Variants in GATA4 observed in about 807,000 individuals in gnomAD.
GATA4 encodes the protein GATA binding protein 4.
GATA4 carries 7 observed loss-of-function variants against 37.9 expected under a neutral mutation model. The observed-to-expected ratio is 0.18, with a 90% confidence interval of 0.11 to 0.35. GATA4 has a LOEUF of 0.35. Ranked by LOEUF, GATA4 falls within the 10% of genes least tolerant of loss-of-function variation. The probability of loss-of-function intolerance (pLI) is 1.00; values close to 1 mark genes in which losing one functional copy is unlikely to be tolerated. For synonymous variants in GATA4, 372 were observed against 292.6 expected (o/e 1.27, Z -2.77); for missense variants, 647 against 653.0 (o/e 0.99, Z 0.10).
chr8:11,677,671 T>C (rs1276079453), intron 1 of GATA4, among the ~76,000 whole-genome samples: 3 of 152,184 alleles, frequency 2.0e-5, no homozygotes, highest in Admixed American at 6.5e-5. Flanking sequence ...CTTGGCTTCA[T>C]TAGTTAGTAG....
At chr8:11,751,361 A>C (rs112148609) in intron 4 of GATA4, among the ~76,000 whole-genome samples, 4 of 152,332 alleles carry the variant, frequency 2.6e-5, no homozygotes, top group African/African-American at 9.6e-5. Context: ...GGTTGCTTCC[A>C]CATATACAGA....
intron 2 of GATA4, among the ~76,000 whole-genome samples, chr8:11,719,008 G>A (rs368963642): frequency 2.0e-5 from 3 of 152,182 alleles, no homozygotes; most frequent in Admixed American, 2.0e-4. Context: ...CTTATCTAGA[G>A]GTTTTCCTAT....
At chr8:11,725,071 C>T (rs1179467333) in intron 2 of GATA4, among the ~76,000 whole-genome samples, 3 of 152,242 alleles carry the variant, frequency 2.0e-5, no homozygotes, top group Admixed American at 6.5e-5. Flanking sequence ...TCATTCTCTG[C>T]TGTCCTTCTG....
At chr8:11,726,887 A>C (rs574643365) in intron 2 of GATA4, among the ~76,000 whole-genome samples, 1 of 152,104 alleles carries the variant, frequency 6.6e-6, no homozygotes, top group Non-Finnish European at 1.5e-5. Flanking sequence ...ATGACTCACA[A>C]TCTTTCCCTG....
chr8:11,678,582 A>G (rs1798854958), intron 1 of GATA4, among the ~76,000 whole-genome samples: 1 of 152,206 alleles, frequency 6.6e-6, no homozygotes, highest in Non-Finnish European at 1.5e-5. Flanking sequence ...GTTAAGGGAA[A>G]GCCGTATTAT....
intron 2 of GATA4, among the ~76,000 whole-genome samples, chr8:11,720,527 T>A (rs915480195): frequency 6.6e-6 from 1 of 152,180 alleles, no homozygotes. Flanking sequence ...GGATTTGTTT[T>A]ACAGATTATT....
chr8:11,705,723 T>C (rs1799862923), intron 1 of GATA4, among the ~76,000 whole-genome samples: 1 of 152,206 alleles, frequency 6.6e-6, no homozygotes, highest in Non-Finnish European at 1.5e-5. Context: ...GAGTATTTTC[T>C]CCACCTTCTG....
chr8:11,707,957 A>C lies in GATA4; in HGVS notation c.-356A>C, dbSNP rs1335469806. On this transcript the variant is annotated 5_prime_UTR_variant, in exon 2 of 7. Coordinates refer to ENST00000532059, the MANE Select transcript of GATA4 (RefSeq NM_001308093.3). This position sits in a 1 kb window ranked among gnomAD's most constrained non-coding sequence, Gnocchi z 4.7. ...CTCGGTGTGACGAGTGGGGGACCCG[A>C]AGGCTCGTGCGCCACCTCCAGGCCT... 3.0e-5 allele frequency: 10 copies of C among 338,464 alleles called. No homozygotes were observed. Among genetic ancestry groups the C allele is most frequent in the Non-Finnish European group, 5.6e-5 (10 of 177,098 alleles). The allele number at this position is 338,464 out of a possible 1,614,324, so 21.0% of individuals were successfully genotyped here.
upstream of GATA4, among the ~76,000 whole-genome samples, chr8:11,703,362 G>T (rs1799751263): frequency 6.6e-6 from 1 of 152,084 alleles, no homozygotes; most frequent in Admixed American, 6.5e-5. Flanking sequence ...GGGCCTCCAG[G>T]CTCTGACGCC....
upstream of GATA4, among the ~76,000 whole-genome samples, chr8:11,692,235 G>A (rs1482000220): frequency 1.3e-5 from 2 of 152,224 alleles, no homozygotes; most frequent in South Asian, 2.1e-4. Context: ...GTGGAACTGG[G>A]GGAAACTGAG....
At chr8:11,687,014 T>A (rs1211111527) in intron 1 of GATA4, among the ~76,000 whole-genome samples, 43 of 148,026 alleles carry the variant, frequency 2.9e-4, no homozygotes, top group African/African-American at 9.7e-4. Context: ...AAAAAAAAAA[T>A]CCTCAACCAC....
chr8:11,715,353 C>T (rs1449603718), intron 2 of GATA4, among the ~76,000 whole-genome samples: 1 of 152,148 alleles, frequency 6.6e-6, no homozygotes, highest in African/African-American at 2.4e-5. Flanking sequence ...TTTTAACCAC[C>T]TTAATCATTT....
chr8:11,757,110 G>C (rs897479287), intron 6 of GATA4, 27 bp downstream of exon 6: 2 of 1,611,730 alleles, frequency 1.2e-6, no homozygotes, highest in Admixed American at 3.3e-5. Flanking sequence ...GGGCGCCAGG[G>C]CTGTTTGTGG....
Position 11,708,351 on chromosome 8 carries a change from G to T in GATA4, c.39G>T (p.Pro13=). 6.3e-7 allele frequency: 1 copy of T among 1,582,084 alleles called. No individual in the cohort carries two copies. The highest frequency in any genetic ancestry group is 1.1e-5 in the South Asian group (1 of 88,384). The change falls in exon 2 of 7, where the codon CCG becomes CCT. Residue 13 remains proline (P), a synonymous_variant. Coordinates refer to ENST00000532059, the MANE Select transcript of GATA4 (RefSeq NM_001308093.3). The surrounding 1 kb of genome is among the most constrained non-coding windows in gnomAD (Gnocchi z 6.7). ...TGGCCATGGCCGCCAACCACGGGCC[G>T]CCCCCCGGTGCCTACGAGGCGGGCG... is the stretch of plus-strand genomic sequence containing the variant. ...QSLAMAANHG[P]PPGAYEAGGP... is the part of the protein sequence containing the mutation.
chr8:11,732,313 ATCGAACTAT>A (rs1250560731), intron 2 of GATA4, among the ~76,000 whole-genome samples: 1 of 152,234 alleles, frequency 6.6e-6, no homozygotes, highest in Non-Finnish European at 1.5e-5. Context: ...ACGTATTGTC[ATCGAACTAT>A]TCTCCAGGGG....
intron 5 of GATA4, chr8:11,756,455 C>A: frequency 4.3e-6 from 1 of 233,216 alleles, no homozygotes; most frequent in Non-Finnish European, 8.6e-6. Flanking sequence ...GCACGATTCC[C>A]AGTCCAAAAT....
In GATA4 at chr8:11,708,786, C is replaced by T. The variant is rs1800021811; in HGVS notation, c.474C>T (p.Tyr158=). 3 of 1,468,486 alleles carry T rather than the reference C, an allele frequency of 2.0e-6. No homozygotes were observed. Among genetic ancestry groups the T allele is most frequent in the South Asian group, 2.6e-5 (2 of 76,506 alleles). 91.0% of individuals were successfully genotyped at this position (1,468,486 alleles called of 1,614,324 possible). The change falls in exon 2 of 7, where the codon TAC becomes TAT. Residue 158 remains tyrosine, a synonymous_variant. Coordinates refer to ENST00000532059, the MANE Select transcript of GATA4 (RefSeq NM_001308093.3). This position sits in a 1 kb window ranked among gnomAD's most constrained non-coding sequence, Gnocchi z 6.7. ...GGCGCGCCGGCTTCGCGGGCTCCTA[C>T]TCCAGCCCCTACCCGGCTTACATGG... ...QYGRAGFAGS[Y]SSPYPAYMAD...
At chr8:11,756,464 A>G (rs1295197974) in intron 5 of GATA4, 1 of 231,894 alleles carries the variant, frequency 4.3e-6, no homozygotes, top group Non-Finnish European at 8.6e-6. Context: ...CCAGTCCAAA[A>G]TTCCAAATCC....
At chr8:11,704,785 CAG>C (rs1482847380) in intron 1 of GATA4, among the ~76,000 whole-genome samples, 2 of 152,234 alleles carry the variant, frequency 1.3e-5, no homozygotes, top group African/African-American at 4.8e-5. Flanking sequence ...CGCTGGGCCT[CAG>C]GGGCCCCCGG....
Sources: gnomAD v4.1 joint callset for allele counts (sites outside exome capture counted in the v4.1 genomes callset) on GRCh38, gnomAD v4.1.1 for gene constraint, Gnocchi (gnomAD v3.1) non-coding constraint, MANE v1.5 for transcripts, NCBI Gene and HGNC (gene_info 2026-07-23, HGNC 2026-07-21) for gene names.